GRM5: variants seen among roughly 807,000 people sequenced by gnomAD.
GRM5 encodes the protein glutamate metabotropic receptor 5.
A neutral mutation model predicts 83.1 loss-of-function variants in GRM5; 19 were observed. That is an observed-to-expected ratio of 0.23 (90% CI 0.16 to 0.34). GRM5 has a LOEUF of 0.34. Ranked by LOEUF, GRM5 falls within the 10% of genes least tolerant of loss-of-function variation. The pLI, the probability that GRM5 is intolerant of heterozygous loss-of-function variation, is 1.00. For missense variants in GRM5, 1,160 were observed against 1,588.3 expected (o/e 0.73, Z 4.58); for synonymous variants, 675 against 633.6 (o/e 1.07, Z -0.98).
intron 3 of GRM5, among the ~76,000 whole-genome samples, chr11:88,706,291 CT>C (rs1941156420): frequency 1.3e-5 from 2 of 152,100 alleles, no homozygotes; most frequent in Admixed American, 1.3e-4. Flanking sequence ...AGCCCTCACC[CT>C]TCCTCACTCA....
intron 2 of GRM5, among the ~76,000 whole-genome samples, chr11:88,992,918 T>A (rs1288357799): frequency 6.6e-6 from 1 of 151,410 alleles, no homozygotes; most frequent in Admixed American, 6.6e-5. Context: ...CGAATGTAAA[T>A]GACGAGTTAA....
rs138478674 is a variant in GRM5 at position 88,850,271 on chromosome 11, C to T, written c.662-116G>A. 7.5e-3 allele frequency: 5,862 copies of T among 786,048 alleles called. 115 individuals are homozygous for T. The highest frequency in any genetic ancestry group is 0.061 in the East Asian group (2,428 of 39,518). 48.7% of individuals were successfully genotyped at this position (786,048 alleles called of 1,614,324 possible). A position where few individuals can be genotyped will look rare whatever the true frequency, so the allele number is the denominator to read the frequency against. ...AAGTCATTGGTATGGGACTTGCAAC[C>T]TGAAGACCTGAATTTTGGTTTTTGC... On this transcript the variant is annotated intron_variant, in intron 2 of 9. Coordinates refer to ENST00000305447, the MANE Select transcript of GRM5 (RefSeq NM_001143831.3).
chr11:88,929,053 AAATT>A (rs1372876068), intron 2 of GRM5, among the ~76,000 whole-genome samples: 2 of 152,046 alleles, frequency 1.3e-5, no homozygotes, highest in Non-Finnish European at 2.9e-5. Context: ...GTGGTCAAGT[AAATT>A]GACATATCTA....
At chr11:88,813,987 C>A (rs542926219) in intron 3 of GRM5, among the ~76,000 whole-genome samples, 1 of 152,122 alleles carries the variant, frequency 6.6e-6, no homozygotes, top group East Asian at 1.9e-4. Context: ...CTTCTAAATT[C>A]CAGTTGCTTA....
chr11:88,765,736 C>CA, intron 3 of GRM5, among the ~76,000 whole-genome samples: 1 of 151,022 alleles, frequency 6.6e-6, no homozygotes, highest in East Asian at 1.9e-4. Flanking sequence ...TTATACAACT[C>CA]AAAGAAAAAA....
chr11:88,612,237 G>A (rs1358346041), intron 4 of GRM5, among the ~76,000 whole-genome samples: 3 of 148,280 alleles, frequency 2.0e-5, no homozygotes, highest in African/African-American at 5.1e-5. Context: ...TTGTTCCTGC[G>A]ATAGTTTACT....
intron 8 of GRM5, among the ~76,000 whole-genome samples, chr11:88,538,840 T>A (rs976453265): frequency 1.3e-5 from 2 of 152,230 alleles, no homozygotes; most frequent in Non-Finnish European, 1.5e-5. Context: ...TTTGCCCAGG[T>A]TACTAGAATG....
At chr11:89,005,322 C>T (rs191820525) in intron 2 of GRM5, among the ~76,000 whole-genome samples, 105 of 152,172 alleles carry the variant, frequency 6.9e-4, no homozygotes, top group African/African-American at 2.3e-3. Context: ...CATTTCATAT[C>T]GGGAAGGAAT....
intron 2 of GRM5, among the ~76,000 whole-genome samples, chr11:88,888,383 G>C (rs1945081654): frequency 6.6e-6 from 1 of 152,112 alleles, no homozygotes; most frequent in Non-Finnish European, 1.5e-5. Context: ...GATAGAGAAA[G>C]TGAAGAAACA....
intron 2 of GRM5, among the ~76,000 whole-genome samples, chr11:88,941,161 A>T (rs1463873366): frequency 1.3e-5 from 2 of 151,960 alleles, no homozygotes; most frequent in Middle Eastern, 3.4e-3. Flanking sequence ...ATACTGAGGC[A>T]AATAAAAGTA....
chr11:89,065,815 T>G lies in GRM5; in HGVS notation c.-240A>C, dbSNP rs1942088781. On this transcript the variant is annotated 5_prime_UTR_variant, in exon 1 of 10. Coordinates refer to ENST00000305447, the MANE Select transcript of GRM5 (RefSeq NM_001143831.3). ...GAGCCTTGCGCCCCCAGGCAGCCGC[T>G]CCTCGAGGGCTTCCTGCGCTCTCGT... The G allele has an allele frequency of 6.6e-6, 1 of 152,264 alleles. No homozygotes were observed. The highest frequency in any genetic ancestry group is 1.5e-5 in the Non-Finnish European group (1 of 68,072). 9.4% of individuals were successfully genotyped at this position (152,264 alleles called of 1,614,324 possible). A position where few individuals can be genotyped will look rare whatever the true frequency, so the allele number is the denominator to read the frequency against.
intron 3 of GRM5, among the ~76,000 whole-genome samples, chr11:88,757,784 A>T (rs1942427028): frequency 6.6e-6 from 1 of 152,130 alleles, no homozygotes; most frequent in African/African-American, 2.4e-5. Flanking sequence ...GCACATGTGA[A>T]CAAGAATGGA....
chr11:88,646,791 C>A (rs1939466525), intron 4 of GRM5, among the ~76,000 whole-genome samples: 1 of 150,944 alleles, frequency 6.6e-6, no homozygotes, highest in African/African-American at 2.4e-5. Context: ...GTGTCATCAG[C>A]TTCTTTTGTT....
At chr11:88,526,945 A>G (rs1434320679) in intron 8 of GRM5, among the ~76,000 whole-genome samples, 2 of 152,198 alleles carry the variant, frequency 1.3e-5, no homozygotes, top group African/African-American at 2.4e-5. Context: ...AAGGAAGGAA[A>G]TAAGAAATAC....
At chr11:88,836,841 C>A (rs1944103354) in intron 3 of GRM5, among the ~76,000 whole-genome samples, 1 of 151,824 alleles carries the variant, frequency 6.6e-6, no homozygotes, top group African/African-American at 2.4e-5. Flanking sequence ...AACAAACAAA[C>A]AAAAAAACAA....
intron 8 of GRM5, among the ~76,000 whole-genome samples, chr11:88,560,012 G>A (rs1942717635): frequency 6.6e-6 from 1 of 152,012 alleles, no homozygotes; most frequent in Non-Finnish European, 1.5e-5. Context: ...AGGGTGAGAT[G>A]GGGTAGGTGT....
intron 2 of GRM5, among the ~76,000 whole-genome samples, chr11:89,018,253 G>A (rs563594682): frequency 5.3e-5 from 8 of 152,192 alleles, no homozygotes; most frequent in African/African-American, 1.9e-4. Context: ...TTAACACCAA[G>A]GAGTATCTGT....
chr11:88,963,474 GAGA>G (rs892069943), intron 2 of GRM5, among the ~76,000 whole-genome samples: 4 of 152,164 alleles, frequency 2.6e-5, no homozygotes, highest in Non-Finnish European at 4.4e-5. Flanking sequence ...GTTTCAAAAG[GAGA>G]AGAAGTAATA....
At chr11:88,891,723 T>A (rs1208150334) in intron 2 of GRM5, among the ~76,000 whole-genome samples, 1 of 152,068 alleles carries the variant, frequency 6.6e-6, no homozygotes, top group Non-Finnish European at 1.5e-5. Context: ...ACAATTGTTA[T>A]CTTGCTATGT....
Sources: gnomAD v4.1 joint callset for allele counts (sites outside exome capture counted in the v4.1 genomes callset) on GRCh38, gnomAD v4.1.1 for gene constraint, MANE v1.5 for transcripts, NCBI Gene and HGNC (gene_info 2026-07-23, HGNC 2026-07-21) for gene names.